The following LRMDA variants were observed in gnomAD, a reference collection of about 807,000 sequenced individuals.
The protein encoded by LRMDA is leucine-rich melanocyte differentiation-associated protein.
A neutral mutation model predicts 29.8 loss-of-function variants in LRMDA; 18 were observed. The ratio of observed to expected loss-of-function variants is 0.60; its 90% CI spans 0.42 to 0.90. The LOEUF (loss-of-function observed/expected upper bound fraction) is 0.90, where lower values mean the gene tolerates loss of function less well. Ranked by LOEUF, LRMDA falls within the 40% of genes least tolerant of loss-of-function variation. LRMDA has a pLI of 0.00. For synonymous variants in LRMDA, 125 were observed against 109.4 expected, an observed-to-expected ratio of 1.14 and a Z score of -0.89; for missense variants, 273 against 273.9, an observed-to-expected ratio of 1.00 and a Z score of 0.02.
chr10:76,388,277 A>C (rs113593120), intron 6 of LRMDA, among the ~76,000 whole-genome samples: 196 of 152,336 alleles, frequency 1.3e-3, no homozygotes, highest in Non-Finnish European at 2.2e-3. Flanking sequence ...AGTAACTAAA[A>C]CCACCGTTGT....
chr10:76,408,377 T>C (rs1489230109), intron 6 of LRMDA, among the ~76,000 whole-genome samples: 2 of 152,184 alleles, frequency 1.3e-5, no homozygotes, highest in African/African-American at 4.8e-5. Context: ...TCTCTAGTCA[T>C]AATTCTGACC....
At chr10:76,336,447 G>A (rs1288837738) in intron 6 of LRMDA, among the ~76,000 whole-genome samples, 1 of 152,178 alleles carries the variant, frequency 6.6e-6, no homozygotes, top group East Asian at 1.9e-4. Flanking sequence ...AAATAAAAGA[G>A]TACAGCAACT....
intron 5 of LRMDA, among the ~76,000 whole-genome samples, chr10:76,226,994 G>A (rs1371815348): frequency 1.3e-5 from 2 of 152,176 alleles, no homozygotes; most frequent in Non-Finnish European, 2.9e-5. Context: ...CATGATAAGA[G>A]AAATACATGG....
At chr10:76,337,326 G>T (rs1418474447) in intron 6 of LRMDA, among the ~76,000 whole-genome samples, 1 of 151,352 alleles carries the variant, frequency 6.6e-6, no homozygotes, top group Non-Finnish European at 1.5e-5. Flanking sequence ...CCACCACATG[G>T]TATATCGGTA....
At chr10:75,860,010 T>C (rs1844894567) in intron 2 of LRMDA, among the ~76,000 whole-genome samples, 1 of 152,252 alleles carries the variant, frequency 6.6e-6, no homozygotes, top group South Asian at 2.1e-4. Flanking sequence ...TTTTGCTAAG[T>C]ATTTTGAAAT....
intron 5 of LRMDA, among the ~76,000 whole-genome samples, chr10:76,230,750 T>A (rs1429507545): frequency 6.6e-6 from 1 of 152,192 alleles, no homozygotes; most frequent in Non-Finnish European, 1.5e-5. Context: ...GTGCTGAAAT[T>A]TGCAGTGAAA....
chr10:76,484,556 C>A (rs74418033), intron 6 of LRMDA, among the ~76,000 whole-genome samples: 4,083 of 151,786 alleles, frequency 0.027, 139 homozygotes, highest in African/African-American at 0.072. Flanking sequence ...TATTTTTGAG[C>A]CATTTAAATG....
At chr10:76,047,124 C>T (rs766692456) in intron 3 of LRMDA, 40 bp from the exon 4 acceptor site, 1 of 1,611,914 alleles carries the variant, frequency 6.2e-7, no homozygotes, top group Non-Finnish European at 8.5e-7. Flanking sequence ...CATTGCTAAG[C>T]CTTTTGTCTT....
chr10:75,709,964 AC>A (rs1438394223), intron 2 of LRMDA, among the ~76,000 whole-genome samples: 1 of 152,180 alleles, frequency 6.6e-6, no homozygotes, highest in Non-Finnish European at 1.5e-5. Flanking sequence ...CTGGAAGGGA[AC>A]CCTAGTTAAT....
intron 5 of LRMDA, among the ~76,000 whole-genome samples, chr10:76,308,199 T>A (rs765048389): frequency 6.6e-6 from 1 of 152,172 alleles, no homozygotes. Flanking sequence ...CTTCATCTAC[T>A]TGAACATCAA....
chr10:75,980,212 G>A (rs778357541), intron 2 of LRMDA, among the ~76,000 whole-genome samples: 1 of 152,092 alleles, frequency 6.6e-6, no homozygotes, highest in Non-Finnish European at 1.5e-5. Flanking sequence ...TGTCTCCTAG[G>A]TTATTCTTTA....
At chr10:75,954,541 G>A (rs1352742692) in intron 2 of LRMDA, among the ~76,000 whole-genome samples, 2 of 152,162 alleles carry the variant, frequency 1.3e-5, no homozygotes, top group Admixed American at 1.3e-4. Context: ...TGCTGGCCAG[G>A]GTCTGCCATG....
intron 2 of LRMDA, among the ~76,000 whole-genome samples, chr10:76,031,377 C>T (rs1045021182): frequency 4.6e-5 from 7 of 152,186 alleles, no homozygotes; most frequent in Non-Finnish European, 7.3e-5. Context: ...TGAAAGAATA[C>T]GAGTCTAGAG....
At chr10:75,950,507 C>T (rs962827439) in intron 2 of LRMDA, among the ~76,000 whole-genome samples, 2 of 152,302 alleles carry the variant, frequency 1.3e-5, no homozygotes, top group East Asian at 1.9e-4. Context: ...GTTTGAGGGC[C>T]GACTCAGCAT....
chr10:75,653,789 T>G (rs543988585), intron 2 of LRMDA, among the ~76,000 whole-genome samples: 2 of 152,256 alleles, frequency 1.3e-5, no homozygotes, highest in East Asian at 3.8e-4. Context: ...ATGCACTCCT[T>G]GAAACTTGAG....
At chr10:76,202,707 A>G (rs1851455550) in intron 5 of LRMDA, among the ~76,000 whole-genome samples, 1 of 152,016 alleles carries the variant, frequency 6.6e-6, no homozygotes, top group South Asian at 2.1e-4. Flanking sequence ...ATTACTTTGC[A>G]TGAAAATTTG....
At position 76,398,742 on chromosome 10, in the gene LRMDA, G is replaced by A. The variant is rs114425924; in HGVS notation, c.601+74257G>A. ...CTGGCTTGAAAGTTTGCTGAGTTTCGTACCAGATAACAACTGGGAAGCCAG... is the reference window on the plus strand; with the variant it reads ...CTGGCTTGAAAGTTTGCTGAGTTTCATACCAGATAACAACTGGGAAGCCAG... On this transcript the variant is annotated intron_variant, in intron 6 of 6. Coordinates refer to ENST00000611255, the MANE Select transcript of LRMDA (RefSeq NM_001305581.2). Among the ~76,000 whole-genome samples, 713 of 152,246 alleles carry A rather than the reference G, an allele frequency of 4.7e-3. 5 individuals carry two copies. Among genetic ancestry groups the A allele is most frequent in the African/African-American group, 0.016 (676 of 41,526 alleles).
In LRMDA at chr10:75,914,492, C is replaced by G. The variant is rs550680880; in HGVS notation, c.132-121516C>G. On this transcript the variant is annotated intron_variant, in intron 2 of 6. Transcript: ENST00000611255. ...TTTGTGAGCAGGGACATATTTTGAG[C>G]CTCTTTTTTTCCAGTTCTTTCTCCA... Among the ~76,000 whole-genome samples the G allele has an allele frequency of 1.2e-4, 18 of 152,296 alleles. 1 individual carries two copies. In the South Asian group the frequency reaches 3.3e-3, roughly 28 times the overall value.
chr10:75,823,740 A>C (rs1026759350), intron 2 of LRMDA, among the ~76,000 whole-genome samples: 1 of 151,270 alleles, frequency 6.6e-6, no homozygotes, highest in African/African-American at 2.4e-5. Context: ...ACACAGACAC[A>C]TATATACCTA....
Sources: allele counts gnomAD v4.1 joint callset (sites outside exome capture counted in the v4.1 genomes callset), GRCh38; gene constraint gnomAD v4.1.1; transcripts MANE v1.5; gene names NCBI Gene and HGNC (gene_info 2026-07-23, HGNC 2026-07-21).